OR2L2: variants seen among roughly 807,000 people sequenced by gnomAD.
OR2L2 encodes olfactory receptor 2L2.
For synonymous variants in OR2L2, 156 were observed against 135.4 expected (o/e 1.15, Z -1.06); for missense variants, 378 against 375.2 (o/e 1.01, Z -0.06).
intron 2 of OR2L2, among the ~76,000 whole-genome samples, chr1:248,037,256 G>T (rs923181106): frequency 1.3e-5 from 2 of 152,064 alleles, no homozygotes; most frequent in Admixed American, 6.6e-5. Context: ...ATTATGCAAA[G>T]ACAATTCAAG....
Position 248,038,731 on chromosome 1 carries a change from C to G in OR2L2, c.464C>G (p.Ser155Cys), listed in dbSNP as rs759224550. The G allele has an allele frequency of 1.2e-6, 2 of 1,614,054 alleles. No homozygotes were observed. The highest frequency in any genetic ancestry group is 2.7e-5 in the African/African-American group (2 of 74,920). The change falls in exon 3 of 3, where the codon TCT becomes TGT. Residue 155 changes from serine (S) to cysteine (C), a missense_variant. Ser to Cys is a moderately radical substitution (Grantham distance 112). Coordinates refer to ENST00000641771, the MANE Select transcript of OR2L2 (RefSeq NM_001385855.1). ...TCTTGGATGATAAGCTCTATCAACT[C>G]TTGTGCTCACACAGTATATGCACTC... is the stretch of plus-strand genomic sequence containing the variant. ...TGSWMISSIN[S>C]CAHTVYALCI...
chr1:248,032,896 T>A lies in OR2L2; in HGVS notation c.-96-2654T>A, dbSNP rs905532710. 3.9e-5 allele frequency among the ~76,000 whole-genome samples: 6 copies of A among 152,318 alleles called. No homozygotes were observed. In the East Asian group the frequency reaches 1.2e-3, roughly 29 times the overall value. On this transcript the variant is annotated intron_variant, in intron 1 of 2. Transcript: ENST00000641771. ...ATAGTTGGAACCTATACTAACTCTG[T>A]TTAATTTTTGAAGAAATTACTATAC...
At chr1:248,037,909 A>G (rs992692316) in intron 2 of OR2L2, among the ~76,000 whole-genome samples, 2 of 152,222 alleles carry the variant, frequency 1.3e-5, no homozygotes, top group Admixed American at 6.5e-5. Flanking sequence ...TCATGTAGAC[A>G]TTTTGATTTC....
chr1:248,030,986 T>C (rs1165397665), intron 1 of OR2L2, among the ~76,000 whole-genome samples: 1 of 152,218 alleles, frequency 6.6e-6, no homozygotes, highest in Non-Finnish European at 1.5e-5. Context: ...TTAATGCTGA[T>C]GCCTAGGTAT....
intron 2 of OR2L2, 78 bp from the exon 3 acceptor site, chr1:248,038,169 C>A: frequency 2.5e-6 from 2 of 812,352 alleles, no homozygotes; most frequent in South Asian, 1.7e-5. Context: ...TTCAGGCATC[C>A]ACTGGGAGTC....
chr1:248,038,198 G>T (rs1213602007), intron 2 of OR2L2, 49 bp from the exon 3 acceptor site: 2 of 1,119,458 alleles, frequency 1.8e-6, no homozygotes, highest in African/African-American at 1.6e-5. Context: ...CAGCCACTGT[G>T]GATAAAAGTG....
chr1:248,039,361 C>T lies in OR2L2; in HGVS notation c.*155C>T, dbSNP rs1662877637. On this transcript the variant is annotated 3_prime_UTR_variant, in exon 3 of 3. Coordinates refer to ENST00000641771, the MANE Select transcript of OR2L2 (RefSeq NM_001385855.1). ...ATTTAGTCTTGACAATATTATAATA[C>T]ATATTAATACATATTCTAAGACATC... is the stretch of plus-strand genomic sequence containing the variant. The T allele has an allele frequency of 2.1e-6, 1 of 482,662 alleles. No homozygotes were observed. Among genetic ancestry groups the T allele is most frequent in the East Asian group, 4.8e-5 (1 of 20,992 alleles). The allele number at this position is 482,662 out of a possible 1,614,324, so 29.9% of individuals were successfully genotyped here.
rs1662896843 is a variant in OR2L2 at position 248,039,943 on chromosome 1, G to C, written c.*737G>C. 6.6e-6 allele frequency: 1 copy of C among 152,192 alleles called. No homozygotes were observed. Among genetic ancestry groups the C allele is most frequent in the Admixed American group, 6.5e-5 (1 of 15,278 alleles). The allele number at this position is 152,192 out of a possible 1,614,324, so 9.4% of individuals were successfully genotyped here. A position where few individuals can be genotyped will look rare whatever the true frequency, so the allele number is the denominator to read the frequency against. On this transcript the variant is annotated 3_prime_UTR_variant, in exon 3 of 3. Coordinates refer to ENST00000641771, the MANE Select transcript of OR2L2 (RefSeq NM_001385855.1). Reference sequence around the variant, plus strand: ...TAGAAAAACAAGAGTTTCTGTATAAGAAGTTCTATAGAAGTTACAGTCTAT... The same window carrying C: ...TAGAAAAACAAGAGTTTCTGTATAACAAGTTCTATAGAAGTTACAGTCTAT...
intron 2 of OR2L2, among the ~76,000 whole-genome samples, chr1:248,036,925 C>T (rs1449711694): frequency 6.6e-6 from 1 of 152,044 alleles, no homozygotes; most frequent in Non-Finnish European, 1.5e-5. Flanking sequence ...GGGAGGATCC[C>T]TAAAGTCTAT....
intron 1 of OR2L2, among the ~76,000 whole-genome samples, chr1:248,033,408 T>G (rs1294432142): frequency 6.6e-6 from 1 of 152,120 alleles, no homozygotes; most frequent in Non-Finnish European, 1.5e-5. Context: ...GTCTATTTCT[T>G]GACTCTGTTT....
chr1:248,038,214 C>G lies in OR2L2; in HGVS notation c.-21-33C>G, dbSNP rs146451339. ...AGCCACTGTGGATAAAAGTGAATTA[C>G]TGTTCTTAATTTACCCTTTTGTCTC... On this transcript the variant is annotated intron_variant, in intron 2 of 2. Coordinates refer to ENST00000641771, the MANE Select transcript of OR2L2 (RefSeq NM_001385855.1). The G allele has an allele frequency of 2.4e-6, 3 of 1,263,210 alleles. No homozygotes were observed. In the African/African-American group the frequency reaches 4.5e-5, roughly 19 times the overall value. 78.3% of individuals were successfully genotyped at this position (1,263,210 alleles called of 1,614,324 possible). A position where few individuals can be genotyped will look rare whatever the true frequency, so the allele number is the denominator to read the frequency against.
chr1:248,032,180 C>T (rs1052901595), intron 1 of OR2L2, among the ~76,000 whole-genome samples: 2 of 152,020 alleles, frequency 1.3e-5, no homozygotes, highest in African/African-American at 4.8e-5. Flanking sequence ...AACCAGAGGT[C>T]ATAAAATAAT....
intron 1 of OR2L2, among the ~76,000 whole-genome samples, chr1:248,030,773 T>G (rs1662597457): frequency 6.6e-6 from 1 of 152,188 alleles, no homozygotes; most frequent in Non-Finnish European, 1.5e-5. Flanking sequence ...AAGAGCTTTT[T>G]ATTAGGATTA....
intron 1 of OR2L2, among the ~76,000 whole-genome samples, chr1:248,034,495 T>C (rs753951026): frequency 6.6e-6 from 1 of 152,216 alleles, no homozygotes; most frequent in Non-Finnish European, 1.5e-5. Context: ...GCATGGTTTT[T>C]CTATTTCTGA....
At position 248,039,167 on chromosome 1, in the gene OR2L2, G is replaced by A. The variant is rs140111434; in HGVS notation, c.900G>A (p.Leu300=). 97 of 1,611,874 alleles carry A rather than the reference G, an allele frequency of 6.0e-5. No individual in the cohort carries two copies. The highest frequency in any genetic ancestry group is 7.9e-5 in the Non-Finnish European group (93 of 1,179,018). The part of the protein sequence containing the change: ...SLRNKEVMGA[L]TQVIQKIFSV... ...GAAACAAGGAGGTGATGGGGGCCCT[G>A]ACACAAGTGATTCAGAAAATCTTCT... The change falls in exon 3 of 3, where the codon CTG becomes CTA. Residue 300 remains leucine, a synonymous_variant. Coordinates refer to ENST00000641771, the MANE Select transcript of OR2L2 (RefSeq NM_001385855.1).
chr1:248,032,686 T>C (rs1662650687), intron 1 of OR2L2, among the ~76,000 whole-genome samples: 1 of 152,234 alleles, frequency 6.6e-6, no homozygotes, highest in Non-Finnish European at 1.5e-5. Context: ...TCAAAATTTC[T>C]TTCATTTTAA....
rs1175013149 is a variant in OR2L2 at position 248,035,531 on chromosome 1, C to T, written c.-96-19C>T. 4.6e-5 allele frequency: 7 copies of T among 152,126 alleles called. No homozygotes were observed. In the East Asian group the frequency reaches 1.4e-3, roughly 29 times the overall value. 9.4% of individuals were successfully genotyped at this position (152,126 alleles called of 1,614,324 possible). A position where few individuals can be genotyped will look rare whatever the true frequency, so the allele number is the denominator to read the frequency against. On this transcript the variant is annotated intron_variant, in intron 1 of 2. Transcript: ENST00000641771. ...TAACTGTGACATAATTTTTACATCA[C>T]TTTAATGTTTTATTCAAGTAATGCG...
Position 248,041,571 on chromosome 1 carries a change from C to A in OR2L2, c.*2365C>A, listed in dbSNP as rs1189470656. ...AGAAACTACCATCAGAGTGAACAGGCAACCTACAGAATGGGAGAAAATTTT... is the reference window on the plus strand; with the variant it reads ...AGAAACTACCATCAGAGTGAACAGGAAACCTACAGAATGGGAGAAAATTTT... On this transcript the variant is annotated 3_prime_UTR_variant, in exon 3 of 3. Transcript: ENST00000641771. The A allele has an allele frequency of 6.6e-6, 1 of 152,100 alleles. No individual in the cohort carries two copies. Among genetic ancestry groups the A allele is most frequent in the African/African-American group, 2.4e-5 (1 of 41,418 alleles). The allele number at this position is 152,100 out of a possible 1,614,324, so 9.4% of individuals were successfully genotyped here.
In OR2L2 at chr1:248,039,477, A is replaced by C. The variant is rs1296097775; in HGVS notation, c.*271A>C. 1 of 251,398 alleles carries C rather than the reference A, an allele frequency of 4.0e-6. No individual in the cohort carries two copies. The highest frequency in any genetic ancestry group is 5.0e-5 in the Admixed American group (1 of 19,984). 15.6% of individuals were successfully genotyped at this position (251,398 alleles called of 1,614,324 possible). A position where few individuals can be genotyped will look rare whatever the true frequency, so the allele number is the denominator to read the frequency against. Reference sequence around the variant, plus strand: ...CTCTTGTTGCCCAGGCTCTAATGCAATGGCGCAATCTCAGCTCCCCATAAC... The same window carrying C: ...CTCTTGTTGCCCAGGCTCTAATGCACTGGCGCAATCTCAGCTCCCCATAAC... On this transcript the variant is annotated 3_prime_UTR_variant, in exon 3 of 3. Coordinates refer to ENST00000641771, the MANE Select transcript of OR2L2 (RefSeq NM_001385855.1).
Sources: gnomAD v4.1 joint callset for allele counts (sites outside exome capture counted in the v4.1 genomes callset) on GRCh38, gnomAD v4.1.1 for gene constraint, MANE v1.5 for transcripts, NCBI Gene and HGNC (gene_info 2026-07-23, HGNC 2026-07-21) for gene names.